ZNF587: variants seen among roughly 807,000 people sequenced by gnomAD.
The protein encoded by ZNF587 is zinc finger protein zfp6.
In ZNF587, 8 loss-of-function variants were observed where a neutral mutation model predicts 7.5. The ratio of observed to expected loss-of-function variants is 1.06; its 90% CI spans 0.62 to 1.92. ZNF587 has a LOEUF of 1.92. Ranked by LOEUF, ZNF587 falls within the 40% of genes most tolerant of loss-of-function variation. The probability of loss-of-function intolerance (pLI) is 0.00; values close to 1 mark genes in which losing one functional copy is unlikely to be tolerated. For synonymous variants in ZNF587, 145 were observed against 237.8 expected (o/e 0.61, Z 3.59); for missense variants, 468 against 692.8 (o/e 0.68, Z 3.64).
At chr19:57,858,371 C>T in intron 2 of ZNF587, 3 of 1,012,872 alleles carry the variant, frequency 3.0e-6, no homozygotes, top group Middle Eastern at 3.3e-4. Flanking sequence ...AGGTGATCCA[C>T]CCGCCTCAGC....
At chr19:57,855,611 G>C (rs1262693858) in intron 1 of ZNF587, among the ~76,000 whole-genome samples, 2 of 150,638 alleles carry the variant, frequency 1.3e-5, no homozygotes, top group Non-Finnish European at 3.0e-5. Context: ...GGCCAGGGTG[G>C]AGTGCAGTGG....
intron 2 of ZNF587, chr19:57,858,350 C>T: frequency 1.3e-6 from 1 of 762,374 alleles, no homozygotes; most frequent in Non-Finnish European, 2.0e-6. Context: ...TGGTCTTGAA[C>T]TTCTGACCTC....
At position 57,856,012 on chromosome 19, in the gene ZNF587, G is replaced by A. The variant is rs1334492627; in HGVS notation, c.34-92G>A. The A allele has an allele frequency of 8.3e-6, 13 of 1,566,308 alleles. No homozygotes were observed. In the African/African-American group the frequency reaches 1.8e-4, roughly 22 times the overall value. ...TTCAACTCCGTGTTGGGGACCTTGG[G>A]AGGAGGATGGGCAAGGGTGGGTGTG... On this transcript the variant is annotated intron_variant, in intron 1 of 2. Transcript: ENST00000339656.
intron 2 of ZNF587, among the ~76,000 whole-genome samples, 176 bp downstream of exon 2, chr19:57,856,409 GTTTT>G (rs113480202): frequency 7.1e-6 from 1 of 141,412 alleles, no homozygotes; most frequent in African/African-American, 2.6e-5. Flanking sequence ...TTCCTCTCCT[GTTTT>G]TTTTTTTTTT....
intron 1 of ZNF587, chr19:57,850,999 G>GCAA (rs1229713867): frequency 6.5e-6 from 1 of 153,712 alleles, no homozygotes; most frequent in Non-Finnish European, 1.4e-5. Flanking sequence ...CTTCAAGGGA[G>GCAA]TGTGATCTCC....
chr19:57,857,804 T>G (rs770396114), intron 2 of ZNF587, among the ~76,000 whole-genome samples: 3 of 151,632 alleles, frequency 2.0e-5, no homozygotes, highest in Non-Finnish European at 4.4e-5. Context: ...CTGACTGACT[T>G]TTTGTATTTT....
chr19:57,859,641 G>T lies in ZNF587; in HGVS notation c.1229G>T (p.Cys410Phe). ...RGHTGERPYE[C>F]KECGKSFRYR... ...CATACTGGAGAAAGGCCCTATGAGT[G>T]CAAGGAATGTGGGAAATCATTTAGG... Residue 410 changes from cysteine to phenylalanine, a missense_variant, in exon 3 of 3, where the codon TGC becomes TTC. By Grantham distance (205) the Cys-to-Phe change is radical (BLOSUM62 -2). Coordinates refer to ENST00000339656, the MANE Select transcript of ZNF587 (RefSeq NM_032828.4). 1.2e-6 allele frequency: 2 copies of T among 1,614,062 alleles called. No individual in the cohort carries two copies. The highest frequency in any genetic ancestry group is 2.2e-5 in the East Asian group (1 of 44,870).
intron 1 of ZNF587, among the ~76,000 whole-genome samples, chr19:57,853,555 C>T (rs927578133): frequency 1.3e-4 from 20 of 152,178 alleles, no homozygotes; most frequent in African/African-American, 2.9e-4. Flanking sequence ...CTTACGTCCT[C>T]AATTGATGTT....
At position 57,859,788 on chromosome 19, in the gene ZNF587, C is replaced by G. The variant is rs1214811719; in HGVS notation, c.1376C>G (p.Thr459Ser). Reference sequence around the variant, plus strand: ...CTTCTGGTTCATGAGAGAGTTCACACTGGAGAAAGGCCATATGCGTGTGAG... The same window carrying G: ...CTTCTGGTTCATGAGAGAGTTCACAGTGGAGAAAGGCCATATGCGTGTGAG... ...YHLLVHERVH[T>S]GERPYACEVC... Residue 459 changes from threonine (T) to serine (S), a missense_variant, in exon 3 of 3, where the codon ACT becomes AGT. Thr to Ser is a moderately conservative substitution (Grantham distance 58). This residue lies in a region of ZNF587 where 310 missense variants were observed against 325.6 expected (regional missense o/e 0.95). Coordinates refer to ENST00000339656, the MANE Select transcript of ZNF587 (RefSeq NM_032828.4). 1.2e-6 allele frequency: 2 copies of G among 1,614,096 alleles called. No individual in the cohort carries two copies. The highest frequency in any genetic ancestry group is 1.7e-6 in the Non-Finnish European group (2 of 1,180,006).
intron 1 of ZNF587, chr19:57,852,108 C>T (rs984577792): frequency 2.7e-6 from 1 of 371,838 alleles, no homozygotes; most frequent in Non-Finnish European, 4.8e-6. Flanking sequence ...TCTACAGGTT[C>T]TCTAGCTTGT....
Position 57,859,296 on chromosome 19 carries a change from C to T in ZNF587, c.884C>T (p.Ala295Val). 1 of 1,562,750 alleles carries T rather than the reference C, an allele frequency of 6.4e-7. No homozygotes were observed. Among genetic ancestry groups the T allele is most frequent in the Non-Finnish European group, 8.7e-7 (1 of 1,144,724 alleles). Residue 295 changes from alanine (A) to valine (V), a missense_variant, in exon 3 of 3, where the codon GCT (alanine) becomes GTT (valine). Physicochemically the swap from Ala to Val is moderately conservative, Grantham distance 64. Coordinates refer to ENST00000339656, the MANE Select transcript of ZNF587 (RefSeq NM_032828.4). ...QHQRVHTGQT[A>V]YPCEECGKSF... ...CAGCGAGTCCACACTGGACAGACAGCTTATCCCTGTGAGGAGTGCGGGAAA... is the reference window on the plus strand; with the variant it reads ...CAGCGAGTCCACACTGGACAGACAGTTTATCCCTGTGAGGAGTGCGGGAAA...
At chr19:57,850,856 G>A (rs968574780) in intron 1 of ZNF587, 2 of 301,758 alleles carry the variant, frequency 6.6e-6, no homozygotes, top group Non-Finnish European at 1.2e-5. Context: ...TCCATAAGAT[G>A]TAAAGCACTG....
In ZNF587 at chr19:57,852,068, T is replaced by C. The variant is rs193026936; in HGVS notation, c.33+1997T>C. The C allele has an allele frequency of 1.8e-4, 60 of 333,918 alleles. 2 individuals are homozygous for C. The highest frequency in any genetic ancestry group is 1.2e-3 in the African/African-American group (55 of 47,264). 20.7% of individuals were successfully genotyped at this position (333,918 alleles called of 1,614,324 possible). On this transcript the variant is annotated intron_variant, in intron 1 of 2. Coordinates refer to ENST00000339656, the MANE Select transcript of ZNF587 (RefSeq NM_032828.4). ...GGAACCCACACAGGGAAGTGGAGGG[T>C]GTTCCATTCCCTCATTGGTCCTGAC...
At chr19:57,852,822 C>A (rs1231172977) in intron 1 of ZNF587, among the ~76,000 whole-genome samples, 3 of 144,152 alleles carry the variant, frequency 2.1e-5, no homozygotes, top group South Asian at 4.5e-4. Context: ...ACCAATGCGC[C>A]CAGCCGAGAC....
chr19:57,856,409 GTTT>G (rs113480202), intron 2 of ZNF587, among the ~76,000 whole-genome samples, 176 bp downstream of exon 2: 6 of 141,434 alleles, frequency 4.2e-5, no homozygotes, highest in African/African-American at 1.3e-4. Context: ...TTCCTCTCCT[GTTT>G]TTTTTTTTTT....
Position 57,860,200 on chromosome 19 carries a change from T to C in ZNF587, c.*60T>C. The C allele has an allele frequency of 6.2e-7, 1 of 1,612,952 alleles. No homozygotes were observed. The highest frequency in any genetic ancestry group is 8.5e-7 in the Non-Finnish European group (1 of 1,179,292). ...TCCCGTCTCGTTAAACACAGGAGAG[T>C]TCATACTGGAGAAAGGCCTTATGAG... On this transcript the variant is annotated 3_prime_UTR_variant, in exon 3 of 3. Coordinates refer to ENST00000339656, the MANE Select transcript of ZNF587 (RefSeq NM_032828.4).
Position 57,859,768 on chromosome 19 carries a change from G to C in ZNF587, c.1356G>C (p.Leu452=), listed in dbSNP as rs10405648. Residue 452 remains leucine (L), a synonymous_variant, in exon 3 of 3, where the codon CTG becomes CTC. Coordinates refer to ENST00000339656, the MANE Select transcript of ZNF587 (RefSeq NM_032828.4). ...GKLFNRKYHL[L]VHERVHTGER... ...TATTTAACAGGAAGTATCATCTTCT[G>C]GTTCATGAGAGAGTTCACACTGGAG... is the stretch of plus-strand genomic sequence containing the variant. 0.077 allele frequency: 117,890 copies of C among 1,530,768 alleles called. 12,508 individuals carry two copies. The highest frequency in any genetic ancestry group is 0.41 in the African/African-American group (28,124 of 68,096). 94.8% of individuals were successfully genotyped at this position (1,530,768 alleles called of 1,614,324 possible).
At chr19:57,855,561 TTTTG>T (rs1299890794) in intron 1 of ZNF587, among the ~76,000 whole-genome samples, 5 of 147,382 alleles carry the variant, frequency 3.4e-5, no homozygotes, top group African/African-American at 1.0e-4. Flanking sequence ...TGTGGGCTTT[TTTTG>T]TTTTTTTTTT....
At position 57,865,071 on chromosome 19, in the gene ZNF587, C is replaced by A. The variant is rs1355268204; in HGVS notation, c.*4931C>A. The stretch of plus-strand genomic sequence containing the variant: ...TAATTCTCTTATGAAGTTAATCTTC[C>A]TGCTTGTATGTGAATTAAATATATG... On this transcript the variant is annotated 3_prime_UTR_variant, in exon 3 of 3. Coordinates refer to ENST00000339656, the MANE Select transcript of ZNF587 (RefSeq NM_032828.4). 1 of 152,160 alleles carries A rather than the reference C, an allele frequency of 6.6e-6. No homozygotes were observed. Among genetic ancestry groups the A allele is most frequent in the Non-Finnish European group, 1.5e-5 (1 of 68,044 alleles). 9.4% of individuals were successfully genotyped at this position (152,160 alleles called of 1,614,324 possible).
Sources: allele counts gnomAD v4.1 joint callset (sites outside exome capture counted in the v4.1 genomes callset), GRCh38; gene constraint gnomAD v4.1.1; regional missense constraint gnomAD v4.1.1; transcripts MANE v1.5; gene names NCBI Gene and HGNC (gene_info 2026-07-23, HGNC 2026-07-21).